HFM1: variants seen among roughly 807,000 people sequenced by gnomAD.
HFM1 encodes helicase for meiosis 1.
In HFM1, 169 loss-of-function variants were observed where a neutral mutation model predicts 192.1. The observed-to-expected ratio is 0.88, with a 90% CI of 0.78 to 1.00. The LOEUF (loss-of-function observed/expected upper bound fraction) is 1.00, where lower values mean the gene tolerates loss of function less well. Ranked by LOEUF, HFM1 falls within the 50% of genes least tolerant of loss-of-function variation. HFM1 has a pLI of 0.00. For synonymous variants in HFM1, 525 were observed against 537.8 expected (o/e 0.98, Z 0.33); for missense variants, 1,661 against 1,668.0 (o/e 1.00, Z 0.07).
rs1055206084 is a variant in HFM1 at position 91,319,168 on chromosome 1, C to G, written c.2722G>C (p.Val908Leu). 1.9e-6 allele frequency: 3 copies of G among 1,609,494 alleles called. No individual in the cohort carries two copies. Among genetic ancestry groups the G allele is most frequent in the Non-Finnish European group, 2.5e-6 (3 of 1,178,666 alleles). The change falls in exon 25 of 39, where the codon GTA becomes CTA. Residue 908 changes from valine (V) to leucine (L), a missense_variant. By Grantham distance (32) the Val-to-Leu change is conservative (BLOSUM62 1). Coordinates refer to ENST00000370425, the MANE Select transcript of HFM1 (RefSeq NM_001017975.6). The stretch of plus-strand genomic sequence containing the variant: ...GCTAAAATCAAACTATTCAATAGTA[C>G]AGCAAACTTCTTTTCTTGAGCAGCT... Reference protein sequence around the residue: ...FVAAQEKKFAVLLNSLILAKC... With the variant: ...FVAAQEKKFALLLNSLILAKC...
intron 23 of HFM1, among the ~76,000 whole-genome samples, chr1:91,320,359 A>T (rs1274900139): frequency 1.3e-5 from 2 of 152,206 alleles, no homozygotes; most frequent in African/African-American, 4.8e-5. Context: ...TGGCTATGGT[A>T]TATGCTTCTG....
chr1:91,394,263 C>A lies in HFM1; in HGVS notation c.324G>T (p.Gly108=). ...KYEQDDLNLE[G]VGNNDLSHIA... Reference sequence around the variant, plus strand: ...TATGTGATAAGTCATTATTACCTACCCCTTCTAAATTTAGATCATCCTGTT... The same window carrying A: ...TATGTGATAAGTCATTATTACCTACACCTTCTAAATTTAGATCATCCTGTT... Residue 108 remains glycine, a synonymous_variant, in exon 4 of 39, where the codon GGG becomes GGT. Coordinates refer to ENST00000370425, the MANE Select transcript of HFM1 (RefSeq NM_001017975.6). The A allele has an allele frequency of 6.3e-7, 1 of 1,597,254 alleles. No homozygotes were observed. The highest frequency in any genetic ancestry group is 8.6e-7 in the Non-Finnish European group (1 of 1,164,704).
chr1:91,320,953 T>C (rs1355627611), intron 23 of HFM1, among the ~76,000 whole-genome samples: 1 of 152,132 alleles, frequency 6.6e-6, no homozygotes, highest in African/African-American at 2.4e-5. Context: ...CCAGACCATA[T>C]CAGTTTACAC....
Position 91,353,304 on chromosome 1 carries a change from T to C in HFM1, c.1686-5A>G. 6.6e-7 allele frequency: 1 copy of C among 1,504,306 alleles called. No homozygotes were observed. The highest frequency in any genetic ancestry group is 1.2e-5 in the South Asian group (1 of 84,102). The allele number at this position is 1,504,306 out of a possible 1,614,324, so 93.2% of individuals were successfully genotyped here. ...GAATATGCATACTTCTGTAACCTAT[T>C]TAAAAATACCATAAAATTATTGAGT... On this transcript the variant is annotated splice_polypyrimidine_tract_variant and splice_region_variant and intron_variant, in intron 13 of 38. Coordinates refer to ENST00000370425, the MANE Select transcript of HFM1 (RefSeq NM_001017975.6).
intron 4 of HFM1, among the ~76,000 whole-genome samples, chr1:91,393,814 A>C (rs750182957): frequency 2.0e-5 from 3 of 152,172 alleles, no homozygotes; most frequent in African/African-American, 7.2e-5. Flanking sequence ...TTTTGTGTGC[A>C]TAATAATCAC....
At chr1:91,385,526 T>C in intron 5 of HFM1, 49 bp downstream of exon 5, 1 of 1,434,824 alleles carries the variant, frequency 7.0e-7, no homozygotes, top group Non-Finnish European at 9.5e-7. Context: ...TGCTAAGAAA[T>C]GTGGTTTAGT....
intron 30 of HFM1, among the ~76,000 whole-genome samples, chr1:91,294,495 CTA>C (rs1360416961): frequency 6.6e-6 from 1 of 152,182 alleles, no homozygotes; most frequent in African/African-American, 2.4e-5. Flanking sequence ...GGGTTGGAAA[CTA>C]TAGTTCATGG....
chr1:91,272,988 G>A (rs1253237464), intron 34 of HFM1, among the ~76,000 whole-genome samples: 2 of 152,040 alleles, frequency 1.3e-5, no homozygotes, highest in Non-Finnish European at 2.9e-5. Flanking sequence ...TAACTCAATG[G>A]ATAGGATTGT....
intron 2 of HFM1, among the ~76,000 whole-genome samples, chr1:91,398,638 A>C (rs1168216558): frequency 1.3e-5 from 2 of 152,082 alleles, no homozygotes; most frequent in Admixed American, 6.6e-5. Flanking sequence ...GTCCAAACTA[A>C]ACTGAACTCC....
intron 30 of HFM1, among the ~76,000 whole-genome samples, chr1:91,311,553 G>C (rs1375045082): frequency 2.6e-5 from 4 of 151,686 alleles, no homozygotes; most frequent in Admixed American, 6.6e-5. Context: ...TTGAACCCAG[G>C]AGGCAGAGGT....
At chr1:91,262,887 C>T (rs1337095093) in intron 36 of HFM1, among the ~76,000 whole-genome samples, 5 of 152,030 alleles carry the variant, frequency 3.3e-5, no homozygotes, top group Non-Finnish European at 7.4e-5. Context: ...TTACATAGAA[C>T]CCTATAAACA....
intron 30 of HFM1, among the ~76,000 whole-genome samples, chr1:91,292,823 C>G (rs1044626135): frequency 2.6e-5 from 4 of 152,056 alleles, no homozygotes; most frequent in Non-Finnish European, 4.4e-5. Flanking sequence ...CTACAGTAAC[C>G]AAAACAGCAT....
chr1:91,350,059 A>G (rs1415014000), intron 18 of HFM1, among the ~76,000 whole-genome samples: 7 of 152,158 alleles, frequency 4.6e-5, no homozygotes, highest in Admixed American at 2.0e-4. Flanking sequence ...ATGATTTTTG[A>G]ACTAAGTAAA....
At chr1:91,334,713 G>A (rs1356705350) in intron 20 of HFM1, among the ~76,000 whole-genome samples, 1 of 152,042 alleles carries the variant, frequency 6.6e-6, no homozygotes, top group East Asian at 1.9e-4. Flanking sequence ...GGTGGATCAT[G>A]AGGTCAGGAG....
At chr1:91,380,887 T>C in intron 7 of HFM1, 25 bp downstream of exon 7, 1 of 1,090,124 alleles carries the variant, frequency 9.2e-7, no homozygotes, top group South Asian at 1.3e-5. Context: ...GGTAGAAAAA[T>C]AAATAAGTAA....
At chr1:91,343,834 G>A (rs1655734413) in intron 19 of HFM1, among the ~76,000 whole-genome samples, 1 of 152,156 alleles carries the variant, frequency 6.6e-6, no homozygotes, top group South Asian at 2.1e-4. Context: ...GGTAGACACC[G>A]ATATTTTCAT....
chr1:91,354,419 T>C (rs565447749), intron 13 of HFM1, among the ~76,000 whole-genome samples: 1 of 152,100 alleles, frequency 6.6e-6, no homozygotes, highest in East Asian at 1.9e-4. Flanking sequence ...CATAGAAAGT[T>C]TATTTAATAA....
At chr1:91,339,515 C>T (rs1412151146) in intron 20 of HFM1, among the ~76,000 whole-genome samples, 4 of 152,024 alleles carry the variant, frequency 2.6e-5, no homozygotes, top group African/African-American at 9.7e-5. Context: ...GAAGTATTAA[C>T]AGCAGAATAA....
At chr1:91,285,163 C>T (rs1305831045) in intron 30 of HFM1, among the ~76,000 whole-genome samples, 5 of 152,138 alleles carry the variant, frequency 3.3e-5, no homozygotes, top group African/African-American at 4.8e-5. Flanking sequence ...GTGAGCCCAT[C>T]GAACCTCATT....
Sources: allele counts gnomAD v4.1 joint callset (sites outside exome capture counted in the v4.1 genomes callset), GRCh38; gene constraint gnomAD v4.1.1; transcripts MANE v1.5; gene names NCBI Gene and HGNC (gene_info 2026-07-23, HGNC 2026-07-21).